The following CCDC141 variants were observed in gnomAD, a reference collection of about 807,000 sequenced individuals.
CCDC141 encodes coiled-coil domain-containing protein 141.
In CCDC141, 168 loss-of-function variants were observed where a neutral mutation model predicts 181.0. The observed-to-expected ratio is 0.93, with a 90% CI of 0.82 to 1.05. CCDC141 has a LOEUF of 1.05. Among genes scored for constraint, CCDC141 ranks in the 50% least tolerant of loss-of-function variants. The pLI is 0.00. For missense variants in CCDC141, 1,902 were observed against 1,788.5 expected (o/e 1.06, Z -1.14); for synonymous variants, 666 against 642.3 (o/e 1.04, Z -0.56).
At chr2:178,951,798 C>T (rs1689961182) in intron 5 of CCDC141, among the ~76,000 whole-genome samples, 1 of 152,170 alleles carries the variant, frequency 6.6e-6, no homozygotes, top group South Asian at 2.1e-4. Context: ...ACAGCTAATT[C>T]TGTCATACAA....
intron 2 of CCDC141, among the ~76,000 whole-genome samples, chr2:179,027,600 G>A (rs1413624359): frequency 4.0e-5 from 5 of 126,552 alleles, no homozygotes; most frequent in South Asian, 2.7e-4. Flanking sequence ...AGCCAAGATC[G>A]TGCCATTGCA....
chr2:179,036,786 C>T (rs2154387465), intron 2 of CCDC141, among the ~76,000 whole-genome samples: 1 of 152,314 alleles, frequency 6.6e-6, no homozygotes. Context: ...CAGAACTTTA[C>T]ATACATAGAA....
chr2:178,930,576 T>A (rs751955621), intron 6 of CCDC141, among the ~76,000 whole-genome samples: 8 of 152,108 alleles, frequency 5.3e-5, no homozygotes, highest in Non-Finnish European at 1.2e-4. Flanking sequence ...CCTACAGTAA[T>A]CAAAGCAGTG....
chr2:179,042,826 ACCCAC>A (rs2043352440), intron 2 of CCDC141, among the ~76,000 whole-genome samples: 1 of 152,180 alleles, frequency 6.6e-6, no homozygotes, highest in Non-Finnish European at 1.5e-5. Context: ...AGAGCAAACA[ACCCAC>A]TTAAGCTGGC....
At chr2:178,911,480 T>A (rs1392777938) in intron 7 of CCDC141, among the ~76,000 whole-genome samples, 1 of 152,210 alleles carries the variant, frequency 6.6e-6, no homozygotes, top group Non-Finnish European at 1.5e-5. Context: ...TTTGGCAAAG[T>A]GTAATGCTAG....
Position 178,844,129 on chromosome 2 carries a change from G to A in CCDC141, c.3474+1497C>T, listed in dbSNP as rs115484669. On this transcript the variant is annotated intron_variant, in intron 22 of 23. Coordinates refer to ENST00000443758, the MANE Select transcript of CCDC141 (RefSeq NM_173648.4). ...AGTATAAATTATTTTTGTTTGCTTT[G>A]GTAGCAATAACTTTTGTTTCTGAGT... Among the ~76,000 whole-genome samples the A allele has an allele frequency of 4.0e-3, 615 of 152,138 alleles. 3 individuals are homozygous for A. The highest frequency in any genetic ancestry group is 0.014 in the African/African-American group (570 of 41,518).
chr2:178,993,509 G>C (rs1433161039), intron 2 of CCDC141, among the ~76,000 whole-genome samples: 1 of 152,088 alleles, frequency 6.6e-6, no homozygotes, highest in Non-Finnish European at 1.5e-5. Context: ...TGATTCAATT[G>C]CTTCCCACCA....
rs1299321607 is a variant in CCDC141, at chr2:178,981,647, T to TAC, written c.226-2973_226-2972insGT. Among the ~76,000 whole-genome samples the TAC allele has an allele frequency of 7.8e-3, 758 of 97,072 alleles. 20 individuals are homozygous for TAC. Among genetic ancestry groups the TAC allele is most frequent in the African/African-American group, 0.024 (730 of 31,038 alleles). 63.7% of individuals were successfully genotyped at this position (97,072 alleles called of 152,430 possible). A position where few individuals can be genotyped will look rare whatever the true frequency, so the allele number is the denominator to read the frequency against. ...GAATGTGTGTGTGTGTATATATATA[T>TAC]ATATATATATACATACATATATACA... is the stretch of plus-strand genomic sequence containing the variant. On this transcript the variant is annotated intron_variant, in intron 2 of 23. Transcript: ENST00000443758.
intron 12 of CCDC141, chr2:178,874,876 A>G (rs1686289011): frequency 1.3e-5 from 2 of 152,386 alleles, no homozygotes; most frequent in South Asian, 4.1e-4. Flanking sequence ...TACCAGGGGT[A>G]TATCGGGCAG....
intron 19 of CCDC141, among the ~76,000 whole-genome samples, chr2:178,854,628 T>C (rs16866568): frequency 0.02 from 3,112 of 152,288 alleles, 116 homozygotes; most frequent in African/African-American, 0.071. Context: ...CTGTTAGAAG[T>C]TGGTTTTAAA....
chr2:178,817,642 G>A, the CCDC141 span: 4 of 446,600 alleles, frequency 9.0e-6, no homozygotes, highest in Non-Finnish European at 1.4e-5. Context: ...AGGTTGACAG[G>A]TCTAACACTT....
chr2:178,923,146 C>T (rs1341067154), intron 6 of CCDC141, among the ~76,000 whole-genome samples: 2 of 149,468 alleles, frequency 1.3e-5, no homozygotes, highest in East Asian at 3.9e-4. Flanking sequence ...GCTCTGTCGC[C>T]CAGGCTGGAG....
chr2:179,023,357 CAGCCA>C (rs1362171056), intron 2 of CCDC141, among the ~76,000 whole-genome samples: 2 of 152,096 alleles, frequency 1.3e-5, no homozygotes, highest in East Asian at 3.9e-4. Flanking sequence ...CAGAGTTACA[CAGCCA>C]AGCAGCAACA....
intron 2 of CCDC141, among the ~76,000 whole-genome samples, chr2:178,979,141 T>C (rs760255211): frequency 1.3e-5 from 2 of 152,160 alleles, no homozygotes; most frequent in Admixed American, 1.3e-4. Context: ...AGTAGATTTT[T>C]AAACCAGAAT....
At chr2:178,911,249 T>A (rs956247359) in intron 7 of CCDC141, among the ~76,000 whole-genome samples, 1 of 152,238 alleles carries the variant, frequency 6.6e-6, no homozygotes, top group African/African-American at 2.4e-5. Context: ...GACAAAATAC[T>A]GCCTAGCAAT....
intron 8 of CCDC141, among the ~76,000 whole-genome samples, chr2:178,903,958 A>G (rs1453233052): frequency 6.6e-6 from 1 of 152,042 alleles, no homozygotes; most frequent in Non-Finnish European, 1.5e-5. Context: ...ACTCAAATCA[A>G]TGTCCGACAT....
At chr2:179,014,272 G>A (rs757517454) in intron 2 of CCDC141, among the ~76,000 whole-genome samples, 3 of 152,048 alleles carry the variant, frequency 2.0e-5, no homozygotes, top group Admixed American at 6.6e-5. Flanking sequence ...AAACCAACTC[G>A]AGATGGATTA....
chr2:178,825,614 C>T (rs1277235020), downstream of CCDC141: 1 of 110,202 alleles, frequency 9.1e-6, no homozygotes, highest in Non-Finnish European at 1.8e-5. Context: ...AAATCTGCCC[C>T]CCACCCCCCA....
intron 21 of CCDC141, among the ~76,000 whole-genome samples, chr2:178,846,871 T>C (rs2154366742): frequency 6.6e-6 from 1 of 152,332 alleles, no homozygotes; most frequent in South Asian, 2.1e-4. Context: ...CTCAAATTGC[T>C]ATACATTAGA....
Sources: allele counts gnomAD v4.1 joint callset (sites outside exome capture counted in the v4.1 genomes callset), GRCh38; gene constraint gnomAD v4.1.1; transcripts MANE v1.5; gene names NCBI Gene and HGNC (gene_info 2026-07-23, HGNC 2026-07-21).